MAP3K4: variants seen among roughly 807,000 people sequenced by gnomAD.
MAP3K4 encodes the protein mitogen-activated protein kinase kinase kinase 4, also known as MAP three kinase 1.
A neutral mutation model predicts 185.6 loss-of-function variants in MAP3K4; 67 were observed. The observed-to-expected ratio is 0.36, with a 90% CI of 0.30 to 0.44. MAP3K4 has a LOEUF of 0.44. Among genes scored for constraint, MAP3K4 ranks in the 20% least tolerant of loss-of-function variants. The probability of loss-of-function intolerance (pLI) is 1.00; values close to 1 mark genes in which losing one functional copy is unlikely to be tolerated. For missense variants in MAP3K4, 1,551 were observed against 1,995.1 expected (o/e 0.78, Z 4.24); for synonymous variants, 702 against 710.4 (o/e 0.99, Z 0.19).
Position 161,048,847 on chromosome 6 carries a change from G to C in MAP3K4, c.575G>C (p.Gly192Ala). The C allele has an allele frequency of 6.2e-7, 1 of 1,614,100 alleles. No individual in the cohort carries two copies. The highest frequency in any genetic ancestry group is 8.5e-7 in the Non-Finnish European group (1 of 1,180,026). Residue 192 changes from glycine to alanine, a missense_variant, in exon 3 of 27, where the codon GGC (glycine) becomes GCC (alanine). Around this residue, in one of 16 missense-constraint regions of MAP3K4, gnomAD observed 287 missense variants for 268.8 expected, o/e 1.07. Coordinates refer to ENST00000392142, the MANE Select transcript of MAP3K4 (RefSeq NM_005922.4). The surrounding 1 kb of genome is among the most constrained non-coding windows in gnomAD (Gnocchi z 4.7). ...VDLNKPYLSL[G>A]CSNAKLPVSV... is the part of the protein sequence containing the mutation. The stretch of plus-strand genomic sequence containing the variant: ...CTCAATAAGCCTTACCTCAGCCTTG[G>C]CTGTAGCAATGCTAAGCTTCCAGTA...
At chr6:161,016,825 T>C (rs977772176) in intron 1 of MAP3K4, among the ~76,000 whole-genome samples, 2 of 152,260 alleles carry the variant, frequency 1.3e-5, no homozygotes, top group African/African-American at 4.8e-5. Flanking sequence ...TTTAAACGCC[T>C]TGTATTCTTG....
At chr6:161,057,588 A>G (rs1015048784) in intron 3 of MAP3K4, among the ~76,000 whole-genome samples, 1 of 152,174 alleles carries the variant, frequency 6.6e-6, no homozygotes, top group Non-Finnish European at 1.5e-5. Flanking sequence ...ACGAGCACTG[A>G]CATTGTAAAC....
rs1777611728 is a variant in MAP3K4, at chr6:161,097,203, C to T, written c.3524+27C>T. On this transcript the variant is annotated intron_variant, in intron 16 of 26. Coordinates refer to ENST00000392142, the MANE Select transcript of MAP3K4 (RefSeq NM_005922.4). This position sits in a 1 kb window ranked among gnomAD's most constrained non-coding sequence, Gnocchi z 4.9. ...TATTTGGTGCTTATCTAGTCATTTGCTTTACAGAGTGCCCTCCGATATGCA... is the reference window on the plus strand; with the variant it reads ...TATTTGGTGCTTATCTAGTCATTTGTTTTACAGAGTGCCCTCCGATATGCA... 1 of 1,595,244 alleles carries T rather than the reference C, an allele frequency of 6.3e-7. No individual in the cohort carries two copies. The highest frequency in any genetic ancestry group is 2.2e-5 in the East Asian group (1 of 44,756).
chr6:160,996,787 G>A lies in MAP3K4; in HGVS notation c.152+4704G>A, dbSNP rs919323882. ...TCAGCTTTGTCTGTACACCTGGTTAGTCAGTGTATTCTCTTGCTTGTAGAA... is the reference window on the plus strand; with the variant it reads ...TCAGCTTTGTCTGTACACCTGGTTAATCAGTGTATTCTCTTGCTTGTAGAA... On this transcript the variant is annotated intron_variant, in intron 1 of 26. Coordinates refer to ENST00000392142, the MANE Select transcript of MAP3K4 (RefSeq NM_005922.4). This position sits in a 1 kb window ranked among gnomAD's most constrained non-coding sequence, Gnocchi z 4.5. Among the ~76,000 whole-genome samples the A allele has an allele frequency of 2.0e-4, 30 of 152,204 alleles. No individual in the cohort carries two copies. Among genetic ancestry groups the A allele is most frequent in the African/African-American group, 7.2e-4 (30 of 41,450 alleles).
rs549509509 is a variant in MAP3K4, at chr6:161,004,934, G to A, written c.152+12851G>A. ...ACCAGTAATCTGATAAACATTTGAC[G>A]TTGAAACAGAGAAAACACGATTTTA... On this transcript the variant is annotated intron_variant, in intron 1 of 26. Transcript: ENST00000392142. 1.2e-4 allele frequency among the ~76,000 whole-genome samples: 18 copies of A among 152,202 alleles called. No homozygotes were observed. In the South Asian group the frequency reaches 1.7e-3, roughly 14 times the overall value.
chr6:161,081,464 G>A (rs1055663507), intron 6 of MAP3K4, among the ~76,000 whole-genome samples: 8 of 152,204 alleles, frequency 5.3e-5, no homozygotes, highest in East Asian at 1.9e-4. Flanking sequence ...GAATATACCC[G>A]CGTATATCAG....
Position 161,077,326 on chromosome 6 carries a change from A to T in MAP3K4, c.2098-3555A>T, listed in dbSNP as rs1328961030. ...TAAAATAAAAATTAAAGAAAAATCA[A>T]CAAGAACATATCTAAAGCAAATATG... On this transcript the variant is annotated intron_variant, in intron 5 of 26. Transcript: ENST00000392142. This position sits in a 1 kb window ranked among gnomAD's most constrained non-coding sequence, Gnocchi z 4.3. Among the ~76,000 whole-genome samples, 1 of 152,244 alleles carries T rather than the reference A, an allele frequency of 6.6e-6. No homozygotes were observed. The highest frequency in any genetic ancestry group is 1.5e-5 in the Non-Finnish European group (1 of 68,046).
At chr6:161,092,240 A>G (rs977945065) in intron 13 of MAP3K4, 97 bp downstream of exon 13, 22 of 1,353,718 alleles carry the variant, frequency 1.6e-5, no homozygotes, top group Non-Finnish European at 2.1e-5. Context: ...CAGACGACAC[A>G]GAAGGGAACA....
rs902884744 is a variant in MAP3K4 at position 161,061,270 on chromosome 6, G to T, written c.1708-9338G>T. On this transcript the variant is annotated intron_variant, in intron 3 of 26. Coordinates refer to ENST00000392142, the MANE Select transcript of MAP3K4 (RefSeq NM_005922.4). The surrounding 1 kb of genome is among the most constrained non-coding windows in gnomAD (Gnocchi z 4.2). The stretch of plus-strand genomic sequence containing the variant: ...CCAAAATAGACAATCATCTCAGTGT[G>T]ATTACTGGAAAACAGTTCAAGTTTT... 3.9e-5 allele frequency among the ~76,000 whole-genome samples: 6 copies of T among 152,200 alleles called. No individual in the cohort carries two copies. Among genetic ancestry groups the T allele is most frequent in the African/African-American group, 1.4e-4 (6 of 41,438 alleles).
chr6:161,056,900 G>A lies in MAP3K4; in HGVS notation c.1707+6921G>A, dbSNP rs1456752806. On this transcript the variant is annotated intron_variant, in intron 3 of 26. Coordinates refer to ENST00000392142, the MANE Select transcript of MAP3K4 (RefSeq NM_005922.4). The surrounding 1 kb of genome is among the most constrained non-coding windows in gnomAD (Gnocchi z 5.4). ...TCTAAAGTTCACTCTGTAATATATA[G>A]TTCTATGGGTTTTGTGCAATTTAAA... is the stretch of plus-strand genomic sequence containing the variant. Among the ~76,000 whole-genome samples, 1 of 152,044 alleles carries A rather than the reference G, an allele frequency of 6.6e-6. No individual in the cohort carries two copies. Among genetic ancestry groups the A allele is most frequent in the Non-Finnish European group, 1.5e-5 (1 of 68,016 alleles).
At chr6:161,026,338 T>C (rs890289318) in intron 1 of MAP3K4, among the ~76,000 whole-genome samples, 14 of 152,060 alleles carry the variant, frequency 9.2e-5, no homozygotes, top group South Asian at 2.1e-4. Flanking sequence ...GGTTTCACCA[T>C]GTTAGCCAGG....
chr6:160,993,448 C>CT (rs1446397186), intron 1 of MAP3K4, among the ~76,000 whole-genome samples: 1 of 152,124 alleles, frequency 6.6e-6, no homozygotes, highest in Non-Finnish European at 1.5e-5. Flanking sequence ...TTTTCAACAA[C>CT]TCTATGAGGT....
At chr6:161,052,965 A>T (rs966673391) in intron 3 of MAP3K4, among the ~76,000 whole-genome samples, 19 of 152,052 alleles carry the variant, frequency 1.2e-4, no homozygotes, top group African/African-American at 4.3e-4. Flanking sequence ...CTTCTTACCT[A>T]CCTCACAAGG....
chr6:161,113,985 C>T (rs565444832), intron 25 of MAP3K4, among the ~76,000 whole-genome samples: 2 of 151,904 alleles, frequency 1.3e-5, no homozygotes, highest in South Asian at 4.2e-4. Flanking sequence ...TTGGTAGAGA[C>T]AGGGTTTCAC....
At position 161,114,141 on chromosome 6, in the gene MAP3K4, C is replaced by T. The variant is rs899209644; in HGVS notation, c.4627-982C>T. Among the ~76,000 whole-genome samples the T allele has an allele frequency of 2.6e-5, 4 of 152,092 alleles. No homozygotes were observed. Among genetic ancestry groups the T allele is most frequent in the African/African-American group, 4.8e-5 (2 of 41,406 alleles). Reference sequence around the variant, plus strand: ...ACACACATGTTTTGGACAGAAATTCCATGTGGTAGGGCTGCTCCGGAGACA... The same window carrying T: ...ACACACATGTTTTGGACAGAAATTCTATGTGGTAGGGCTGCTCCGGAGACA... On this transcript the variant is annotated intron_variant, in intron 25 of 26. Coordinates refer to ENST00000392142, the MANE Select transcript of MAP3K4 (RefSeq NM_005922.4). The surrounding 1 kb of genome is among the most constrained non-coding windows in gnomAD (Gnocchi z 4.3).
Position 161,018,711 on chromosome 6 carries a change from A to T in MAP3K4, c.153-15548A>T, listed in dbSNP as rs1242822417. Among the ~76,000 whole-genome samples, 4 of 152,352 alleles carry T rather than the reference A, an allele frequency of 2.6e-5. No homozygotes were observed. In the East Asian group the frequency reaches 5.8e-4, roughly 22 times the overall value. On this transcript the variant is annotated intron_variant, in intron 1 of 26. Coordinates refer to ENST00000392142, the MANE Select transcript of MAP3K4 (RefSeq NM_005922.4). ...GTCAATAAGCAAGAAAATATGACCT[A>T]TAACCAGGAGAAAAATTAGTCAATA...
intron 17 of MAP3K4, among the ~76,000 whole-genome samples, chr6:161,099,979 A>G (rs2114890673): frequency 6.6e-6 from 1 of 152,358 alleles, no homozygotes; most frequent in Admixed American, 6.5e-5. Flanking sequence ...GTTGATGTTT[A>G]GAAATTTTAA....
intron 1 of MAP3K4, among the ~76,000 whole-genome samples, chr6:161,014,334 G>T (rs77776699): frequency 6.6e-6 from 1 of 152,198 alleles, no homozygotes; most frequent in Non-Finnish European, 1.5e-5. Context: ...GAGAGTTAAT[G>T]TAGAACCTGT....
Position 161,091,323 on chromosome 6 carries a change from G to A in MAP3K4, c.2974-56G>A. 1 of 1,428,326 alleles carries A rather than the reference G, an allele frequency of 7.0e-7. No individual in the cohort carries two copies. Among genetic ancestry groups the A allele is most frequent in the Non-Finnish European group, 9.6e-7 (1 of 1,045,204 alleles). 88.5% of individuals were successfully genotyped at this position (1,428,326 alleles called of 1,614,324 possible). ...TGAACGAAATCTTCCTTTAAAATGT[G>A]GTAAGTATTGTATGATTTGCTTCAT... On this transcript the variant is annotated intron_variant, in intron 11 of 26. Coordinates refer to ENST00000392142, the MANE Select transcript of MAP3K4 (RefSeq NM_005922.4). The surrounding 1 kb of genome is among the most constrained non-coding windows in gnomAD (Gnocchi z 5.5).
Sources: allele counts gnomAD v4.1 joint callset (sites outside exome capture counted in the v4.1 genomes callset), GRCh38; gene constraint gnomAD v4.1.1; regional missense constraint gnomAD v4.1.1; non-coding constraint Gnocchi (gnomAD v3.1); transcripts MANE v1.5; gene names NCBI Gene and HGNC (gene_info 2026-07-23, HGNC 2026-07-21).